Variants in FAM20C observed in about 807,000 individuals in gnomAD.
FAM20C encodes the protein FAM20C golgi associated secretory pathway kinase.
Under a neutral mutation model 51.5 loss-of-function variants are expected in FAM20C, and 40 were observed. That is an observed-to-expected ratio of 0.78 (90% CI 0.60 to 1.01). The LOEUF (loss-of-function observed/expected upper bound fraction) is 1.01. Ranked by LOEUF, FAM20C falls within the 50% of genes least tolerant of loss-of-function variation. The probability of loss-of-function intolerance (pLI) is 0.00; values close to 1 mark genes in which losing one functional copy is unlikely to be tolerated. For synonymous variants in FAM20C, 406 were observed against 380.6 expected (o/e 1.07, Z -0.78); for missense variants, 861 against 844.7 (o/e 1.02, Z -0.24).
At chr7:259,425 G>A (rs568578835) in intron 9 of FAM20C, among the ~76,000 whole-genome samples, 8 of 42,660 alleles carry the variant, frequency 1.9e-4, no homozygotes, top group African/African-American at 1.0e-3. Flanking sequence ...GGTCTCTCTC[G>A]TCTCTGCCGT....
chr7:226,662 G>A (rs954368591), intron 3 of FAM20C, among the ~76,000 whole-genome samples: 6 of 152,172 alleles, frequency 3.9e-5, no homozygotes, highest in African/African-American at 7.2e-5. Context: ...GCCCGAATCC[G>A]CCCGGGCTGG....
At chr7:223,002 G>A (rs533606086) in intron 3 of FAM20C, among the ~76,000 whole-genome samples, 1 of 151,936 alleles carries the variant, frequency 6.6e-6, no homozygotes, top group South Asian at 2.1e-4. Flanking sequence ...TGCATGTGTG[G>A]GCATCTGTAC....
intron 1 of FAM20C, 50 bp from the exon 2 acceptor site, chr7:195,504 C>CA: frequency 4.3e-6 from 6 of 1,403,276 alleles, no homozygotes; most frequent in Non-Finnish European, 5.6e-6. Context: ...TCATCCGACT[C>CA]ACGGGCCTGT....
chr7:254,912 G>T (rs1788531443), intron 5 of FAM20C, among the ~76,000 whole-genome samples: 1 of 150,960 alleles, frequency 6.6e-6, no homozygotes, highest in African/African-American at 2.5e-5. Context: ...TTCAGTGAGG[G>T]CTTCATTCCT....
chr7:248,345 G>A lies in FAM20C; in HGVS notation c.987G>A (p.Val329=). 6.5e-7 allele frequency: 1 copy of A among 1,537,094 alleles called. No homozygotes were observed. ...TGGACTTCCGCCGGGTCCCTCCCGT[G>A]GCCGGCAGGATGGTCAACATGACCA... is the stretch of plus-strand genomic sequence containing the variant. ...RILDFRRVPP[V]AGRMVNMTKE... is the part of the protein sequence containing the mutation. The change falls in exon 5 of 10, where the codon GTG becomes GTA. Residue 329 remains valine, a synonymous_variant. Transcript: ENST00000313766.
chr7:257,478 G>A (rs1788630408), intron 8 of FAM20C: 2 of 213,518 alleles, frequency 9.4e-6, no homozygotes, highest in African/African-American at 4.6e-5. Flanking sequence ...GCCTGCCACG[G>A]GGGGTCTTGG....
At chr7:252,812 G>T (rs1166484461) in intron 5 of FAM20C, among the ~76,000 whole-genome samples, 2 of 152,232 alleles carry the variant, frequency 1.3e-5, no homozygotes, top group African/African-American at 4.8e-5. Flanking sequence ...GTAGGGGCCG[G>T]GCCGCAGTCA....
At chr7:252,817 C>T (rs1374232018) in intron 5 of FAM20C, among the ~76,000 whole-genome samples, 2 of 152,242 alleles carry the variant, frequency 1.3e-5, no homozygotes, top group African/African-American at 4.8e-5. Context: ...GGCCGGGCCG[C>T]AGTCAGAGCC....
At position 258,363 on chromosome 7, in the gene FAM20C, G is replaced by A. The variant is rs1171853374; in HGVS notation, c.1446-283G>A. 1.7e-3 allele frequency among the ~76,000 whole-genome samples: 125 copies of A among 73,878 alleles called. 21 individuals are homozygous for A. The highest frequency in any genetic ancestry group is 0.015 in the Middle Eastern group (2 of 136). 48.5% of individuals were successfully genotyped at this position (73,878 alleles called of 152,430 possible). A position where few individuals can be genotyped will look rare whatever the true frequency, so the allele number is the denominator to read the frequency against. On this transcript the variant is annotated intron_variant, in intron 8 of 9. Transcript: ENST00000313766. ...GGGCAGGGTGGACCCACTGCCTGAGGTGCTGGAGATGGGCAGGGTGGACCC... is the reference window on the plus strand; with the variant it reads ...GGGCAGGGTGGACCCACTGCCTGAGATGCTGGAGATGGGCAGGGTGGACCC...
chr7:202,703 G>C (rs911716315), intron 2 of FAM20C, among the ~76,000 whole-genome samples: 2 of 149,686 alleles, frequency 1.3e-5, no homozygotes, highest in African/African-American at 2.5e-5. Context: ...GCATAGCGAG[G>C]ACGGGTGGCT....
intron 8 of FAM20C, among the ~76,000 whole-genome samples, chr7:257,940 TGCCC>T (rs1562401188): frequency 1.5e-5 from 2 of 129,256 alleles, no homozygotes; most frequent in African/African-American, 3.5e-5. Context: ...GTGCTGGAGA[TGCCC>T]GGGGTGGACC....
At chr7:216,644 TGTGTGTGA>T (rs1287938355) in intron 3 of FAM20C, among the ~76,000 whole-genome samples, 19 of 138,326 alleles carry the variant, frequency 1.4e-4, no homozygotes, top group South Asian at 1.3e-3. Flanking sequence ...TGTGTGTGAG[TGTGTGTGA>T]GTGTGTGTGT....
intron 3 of FAM20C, among the ~76,000 whole-genome samples, chr7:215,227 C>CCCG (rs1554250866): frequency 3.0e-5 from 2 of 66,046 alleles, no homozygotes; most frequent in Non-Finnish European, 8.5e-5. Context: ...GAGGCTCCAG[C>CCCG]TGGGGGGGGG....
chr7:253,813 C>T (rs576868621), intron 5 of FAM20C, among the ~76,000 whole-genome samples: 2 of 152,354 alleles, frequency 1.3e-5, no homozygotes, highest in Admixed American at 6.5e-5. Flanking sequence ...TCTCTTTTAA[C>T]ACGATACCAT....
At chr7:213,174 TGTGAGTGA>T (rs1786805663) in intron 3 of FAM20C, among the ~76,000 whole-genome samples, 1 of 137,358 alleles carries the variant, frequency 7.3e-6, no homozygotes, top group Non-Finnish European at 1.7e-5. Context: ...TGTGGTCCTT[TGTGAGTGA>T]CATGGACGGC....
At position 193,357 on chromosome 7, in the gene FAM20C, C is replaced by T. The variant is rs1188160582; in HGVS notation, c.158C>T (p.Ala53Val). 2.4e-6 allele frequency: 3 copies of T among 1,263,942 alleles called. No homozygotes were observed. The highest frequency in any genetic ancestry group is 2.7e-4 in the Middle Eastern group (1 of 3,652). 78.3% of individuals were successfully genotyped at this position (1,263,942 alleles called of 1,614,324 possible). ...EPGCSCAQPA[A>V]EVAAPGWAQV... ...GGCTGTTCGTGCGCGCAGCCCGCCG[C>T]CGAGGTGGCCGCGCCCGGCTGGGCC... is the stretch of plus-strand genomic sequence containing the variant. The change falls in exon 1 of 10, where the codon GCC becomes GTC. Residue 53 changes from alanine to valine, a missense_variant. Around this residue, in one of 3 missense-constraint regions of FAM20C, gnomAD observed 561 missense variants for 499.8 expected, o/e 1.12. Transcript: ENST00000313766.
chr7:233,620 C>T (rs1787765415), intron 3 of FAM20C, among the ~76,000 whole-genome samples: 1 of 152,184 alleles, frequency 6.6e-6, no homozygotes, highest in Non-Finnish European at 1.5e-5. Flanking sequence ...CCTCCTCCAT[C>T]CTGAGAGCCG....
At chr7:226,492 G>A (rs908479692) in intron 3 of FAM20C, among the ~76,000 whole-genome samples, 1 of 152,210 alleles carries the variant, frequency 6.6e-6, no homozygotes, top group Non-Finnish European at 1.5e-5. Flanking sequence ...GGAGGGAGTC[G>A]CTGTCCCGCA....
chr7:249,908 C>T (rs1399638706), intron 5 of FAM20C, among the ~76,000 whole-genome samples: 1 of 152,116 alleles, frequency 6.6e-6, no homozygotes, highest in Non-Finnish European at 1.5e-5. Context: ...CGGACTCGGT[C>T]CCCTATGTTT....
Sources: allele counts gnomAD v4.1 joint callset (sites outside exome capture counted in the v4.1 genomes callset), GRCh38; gene constraint gnomAD v4.1.1; regional missense constraint gnomAD v4.1.1; transcripts MANE v1.5; gene names NCBI Gene and HGNC (gene_info 2026-07-23, HGNC 2026-07-21).